JAK2: variants seen among roughly 807,000 people sequenced by gnomAD.
JAK2 encodes tyrosine-protein kinase JAK2.
Under a neutral mutation model 139.3 loss-of-function variants are expected in JAK2, and 86 were observed. The observed-to-expected ratio is 0.62, with a 90% confidence interval of 0.52 to 0.74. JAK2 has a LOEUF of 0.74. Among genes scored for constraint, JAK2 ranks in the 30% least tolerant of loss-of-function variants. The pLI is 0.00. For missense variants in JAK2, 1,421 were observed against 1,360.3 expected (o/e 1.04, Z -0.70); for synonymous variants, 490 against 437.7 (o/e 1.12, Z -1.49).
At chr9:5,026,592 A>T (rs1032621293) in intron 3 of JAK2, among the ~76,000 whole-genome samples, 30 of 152,326 alleles carry the variant, frequency 2.0e-4, no homozygotes, top group African/African-American at 6.0e-4. Context: ...GATTAAAAAA[A>T]TTTTACATAT....
At chr9:5,062,476 AGTTT>A (rs1320131477) in intron 8 of JAK2, among the ~76,000 whole-genome samples, 1 of 139,204 alleles carries the variant, frequency 7.2e-6, no homozygotes, top group African/African-American at 2.7e-5. Flanking sequence ...GCTCCACTTA[AGTTT>A]GTCAGAAACC....
At position 5,039,602 on chromosome 9, in the gene JAK2, A is replaced by T. The variant is rs1482619865; in HGVS notation, c.351-4801A>T. Among the ~76,000 whole-genome samples, 4 of 152,230 alleles carry T rather than the reference A, an allele frequency of 2.6e-5. No individual in the cohort carries two copies. In the South Asian group the frequency reaches 6.2e-4, roughly 24 times the overall value. Reference sequence around the variant, plus strand: ...ATATTAAAAATCCTAAGGAATTAATAAAAAAACTATTAGAACTAATAAATG... The same window carrying T: ...ATATTAAAAATCCTAAGGAATTAATTAAAAAACTATTAGAACTAATAAATG... On this transcript the variant is annotated intron_variant, in intron 4 of 24. Coordinates refer to ENST00000381652, the MANE Select transcript of JAK2 (RefSeq NM_004972.4).
At chr9:5,034,331 A>G (rs1442870282) in intron 4 of JAK2, among the ~76,000 whole-genome samples, 1 of 152,178 alleles carries the variant, frequency 6.6e-6, no homozygotes, top group African/African-American at 2.4e-5. Context: ...AGACAGATCA[A>G]CAAGACAGAA....
At chr9:4,989,750 C>G (rs932149941) in intron 2 of JAK2, among the ~76,000 whole-genome samples, 1 of 151,850 alleles carries the variant, frequency 6.6e-6, no homozygotes, top group Non-Finnish European at 1.5e-5. Flanking sequence ...TAAGCAAAGG[C>G]AAAATATGTA....
chr9:5,037,095 G>T (rs1482462093), intron 4 of JAK2, among the ~76,000 whole-genome samples: 1 of 151,874 alleles, frequency 6.6e-6, no homozygotes, highest in East Asian at 1.9e-4. Context: ...GCAGCCAAAA[G>T]ACATGAAAAA....
At position 5,126,787 on chromosome 9, in the gene JAK2, G is replaced by A. The variant is rs779902555; in HGVS notation, c.3395G>A (p.Gly1132Glu). The change falls in exon 25 of 25, where the codon GGA (glycine) becomes GAA (glutamate). Residue 1132 changes from glycine to glutamate, a missense_variant. Coordinates refer to ENST00000381652, the MANE Select transcript of JAK2 (RefSeq NM_004972.4). ...GATCAAATAAGGGATAACATGGCTGGATGAAAGAAATGACCTTCATTCTGA... is the reference window on the plus strand; with the variant it reads ...GATCAAATAAGGGATAACATGGCTGAATGAAAGAAATGACCTTCATTCTGA... ...RVDQIRDNMA[G>E] The A allele has an allele frequency of 6.3e-7, 1 of 1,594,266 alleles. No homozygotes were observed. Among genetic ancestry groups the A allele is most frequent in the Non-Finnish European group, 8.6e-7 (1 of 1,165,436 alleles).
chr9:5,059,783 A>G (rs1479684004), intron 8 of JAK2, among the ~76,000 whole-genome samples: 1 of 152,070 alleles, frequency 6.6e-6, no homozygotes, highest in Non-Finnish European at 1.5e-5. Flanking sequence ...TTTTATTTTC[A>G]TTGCCCTGGT....
intron 4 of JAK2, 122 bp from the exon 5 acceptor site, chr9:5,044,281 G>A: frequency 3.0e-6 from 2 of 664,710 alleles, no homozygotes; most frequent in Non-Finnish European, 5.3e-6. Context: ...ATTTAATACT[G>A]TTAGCTGTGT....
intron 19 of JAK2, among the ~76,000 whole-genome samples, chr9:5,084,669 A>G (rs1819945498): frequency 6.6e-6 from 1 of 152,098 alleles, no homozygotes. Flanking sequence ...GCCCACATAT[A>G]CTTATATTCT....
chr9:5,109,085 A>C (rs1444242453), intron 22 of JAK2: 1 of 152,136 alleles, frequency 6.6e-6, no homozygotes, highest in Admixed American at 6.5e-5. Flanking sequence ...TCTCCTGATC[A>C]AACATCACTA....
chr9:4,995,936 T>A (rs1189521137), intron 2 of JAK2, among the ~76,000 whole-genome samples: 1 of 152,200 alleles, frequency 6.6e-6, no homozygotes, highest in African/African-American at 2.4e-5. Context: ...CTCTTATTAG[T>A]CTATTTTTGG....
At chr9:5,099,229 G>A (rs531576224) in intron 22 of JAK2, 19 of 152,214 alleles carry the variant, frequency 1.2e-4, no homozygotes, top group African/African-American at 3.6e-4. Context: ...TCTTTACTAT[G>A]GACAGTGCTC....
chr9:5,011,891 G>C (rs1821726864), intron 2 of JAK2, among the ~76,000 whole-genome samples: 1 of 152,186 alleles, frequency 6.6e-6, no homozygotes, highest in Admixed American at 6.5e-5. Flanking sequence ...TATTCTTCAA[G>C]TGTGGCTTTT....
intron 22 of JAK2, among the ~76,000 whole-genome samples, chr9:5,103,134 T>G (rs1208529412): frequency 6.8e-6 from 1 of 147,256 alleles, no homozygotes; most frequent in Non-Finnish European, 1.5e-5. Context: ...ATCACTGTGC[T>G]GTATTCAGGA....
At chr9:5,123,151 TTTTG>T (rs763523288) in intron 23 of JAK2, 30 bp downstream of exon 23, 90 of 1,438,550 alleles carry the variant, frequency 6.3e-5, no homozygotes, top group Non-Finnish European at 7.8e-5. Context: ...ACTTTCAGTT[TTTTG>T]TTTGTTCGTT....
chr9:5,006,451 ATTTG>A (rs905125309), intron 2 of JAK2, among the ~76,000 whole-genome samples: 5 of 152,146 alleles, frequency 3.3e-5, no homozygotes, highest in African/African-American at 7.2e-5. Flanking sequence ...AAATTACTGT[ATTTG>A]TTTGTTCTCA....
chr9:5,055,898 T>C (rs1271735364), intron 8 of JAK2, 110 bp downstream of exon 8: 2 of 980,976 alleles, frequency 2.0e-6, no homozygotes, highest in Non-Finnish European at 1.5e-6. Context: ...TGATTGTAGT[T>C]TTAAATATAA....
chr9:5,095,374 C>T (rs1820909455), intron 22 of JAK2, among the ~76,000 whole-genome samples: 1 of 151,996 alleles, frequency 6.6e-6, no homozygotes, highest in Admixed American at 6.5e-5. Context: ...AAAAACAAAT[C>T]TCCACTCTAC....
intron 22 of JAK2, chr9:5,112,392 C>A (rs1339309860): frequency 4.6e-6 from 2 of 433,784 alleles, no homozygotes; most frequent in East Asian, 9.7e-5. Context: ...GGAAATCAAG[C>A]GGGAGGAGGA....
Sources: allele counts gnomAD v4.1 joint callset (sites outside exome capture counted in the v4.1 genomes callset), GRCh38; gene constraint gnomAD v4.1.1; transcripts MANE v1.5; gene names NCBI Gene and HGNC (gene_info 2026-07-23, HGNC 2026-07-21).